The following SLC5A6 variants were observed in gnomAD, a reference collection of about 807,000 sequenced individuals.
SLC5A6 encodes the protein solute carrier family 5 member 6.
SLC5A6 carries 31 observed loss-of-function variants against 67.9 expected under a neutral mutation model. The ratio of observed to expected loss-of-function variants is 0.46; its 90% CI spans 0.34 to 0.62. The LOEUF (loss-of-function observed/expected upper bound fraction) is 0.62. Ranked by LOEUF, SLC5A6 falls within the 20% of genes least tolerant of loss-of-function variation. The probability of loss-of-function intolerance (pLI) is 0.01; values close to 1 mark genes in which losing one functional copy is unlikely to be tolerated. For missense variants in SLC5A6, 673 were observed against 812.8 expected (o/e 0.83, Z 2.09); for synonymous variants, 343 against 331.0 (o/e 1.04, Z -0.39).
At position 27,203,840 on chromosome 2, in the gene SLC5A6, G is replaced by A. The variant is rs1318196255; in HGVS notation, c.1033C>T (p.Leu345=). The A allele has an allele frequency of 3.7e-6, 6 of 1,613,982 alleles. No homozygotes were observed. In the African/African-American group the frequency reaches 8.0e-5, roughly 22 times the overall value. ...QFVLYFVMDL[L]KGLPGLPGLF... ...CCTGGCAGGCCTGGCAGGCCCTTCA[G>A]GAGATCCATCACAAAGTACAGGACG... Residue 345 remains leucine (L), a synonymous_variant, in exon 10 of 17, where the codon CTG becomes TTG. Transcript: ENST00000310574.
rs1572397158 is a variant in SLC5A6 at position 27,207,847 on chromosome 2, T to C, written c.-140-57A>G. On this transcript the variant is annotated intron_variant, in intron 2 of 16. Transcript: ENST00000310574. The surrounding 1 kb of genome is among the most constrained non-coding windows in gnomAD (Gnocchi z 5.5). ...TCTGGCCTTGGTAGCCATTCACCCT[T>C]GGGCCTTGTACATCGCATGCCATCA... 1.7e-6 allele frequency: 1 copy of C among 603,530 alleles called. No individual in the cohort carries two copies. Among genetic ancestry groups the C allele is most frequent in the South Asian group, 2.0e-5 (1 of 48,812 alleles). 37.4% of individuals were successfully genotyped at this position (603,530 alleles called of 1,614,324 possible). A position where few individuals can be genotyped will look rare whatever the true frequency, so the allele number is the denominator to read the frequency against.
Position 27,206,507 on chromosome 2 carries a change from C to G in SLC5A6, c.487G>C (p.Ala163Pro). The change falls in exon 5 of 17, where the codon GCT becomes CCT. Residue 163 changes from alanine (A) to proline (P), a missense_variant. Physicochemically the swap from Ala to Pro is conservative, Grantham distance 27. Coordinates refer to ENST00000310574, the MANE Select transcript of SLC5A6 (RefSeq NM_021095.4). The part of the protein sequence containing the change: ...MVIYMGVVLY[A>P]PSLALNAVTG... Reference sequence around the variant, plus strand: ...CCTGCATTGAGAGCCAATGACGGAGCATAGAGCACAACTCCCATGTAGATC... The same window carrying G: ...CCTGCATTGAGAGCCAATGACGGAGGATAGAGCACAACTCCCATGTAGATC... 2.5e-6 allele frequency: 4 copies of G among 1,614,164 alleles called. No homozygotes were observed. Among genetic ancestry groups the G allele is most frequent in the Non-Finnish European group, 3.4e-6 (4 of 1,180,008 alleles).
rs1673505842 is a variant in SLC5A6 at position 27,200,127 on chromosome 2, G to C, written c.*309C>G. On this transcript the variant is annotated 3_prime_UTR_variant, in exon 17 of 17. Coordinates refer to ENST00000310574, the MANE Select transcript of SLC5A6 (RefSeq NM_021095.4). Reference sequence around the variant, plus strand: ...TACTTCAAAGGACTATGGCTATGTTGAATCAGAAGCCATTATCTTTTTCCC... The same window carrying C: ...TACTTCAAAGGACTATGGCTATGTTCAATCAGAAGCCATTATCTTTTTCCC... 1.6e-5 allele frequency: 4 copies of C among 252,576 alleles called. No homozygotes were observed. The highest frequency in any genetic ancestry group is 3.0e-5 in the Non-Finnish European group (4 of 132,010). The allele number at this position is 252,576 out of a possible 1,614,324, so 15.6% of individuals were successfully genotyped here.
intron 10 of SLC5A6, 112 bp downstream of exon 10, chr2:27,203,667 A>T: frequency 1.3e-6 from 1 of 793,600 alleles, no homozygotes; most frequent in Non-Finnish European, 2.2e-6. Flanking sequence ...GGGCAGGCAC[A>T]GTGAGAAACT....
At chr2:27,210,577 T>A (rs1426809066) in intron 2 of SLC5A6, among the ~76,000 whole-genome samples, 1 of 151,616 alleles carries the variant, frequency 6.6e-6, no homozygotes, top group Non-Finnish European at 1.5e-5. Flanking sequence ...ACTACAGGCA[T>A]GTGCTACCGC....
rs1373086465 is a variant in SLC5A6, at chr2:27,212,100, T to A, written c.-288A>T. 1 of 1,438,572 alleles carries A rather than the reference T, an allele frequency of 7.0e-7. No individual in the cohort carries two copies. The highest frequency in any genetic ancestry group is 1.5e-5 in the African/African-American group (1 of 66,158). The allele number at this position is 1,438,572 out of a possible 1,614,324, so 89.1% of individuals were successfully genotyped here. On this transcript the variant is annotated 5_prime_UTR_variant, in exon 1 of 17. Coordinates refer to ENST00000310574, the MANE Select transcript of SLC5A6 (RefSeq NM_021095.4). The stretch of plus-strand genomic sequence containing the variant: ...CGCGGGGAACACCGGGCTGAGGGAG[T>A]CTGCAGTCGGCTCCGGGAAGCCGCG...
chr2:27,204,606 G>A lies in SLC5A6; in HGVS notation c.876-16C>T, dbSNP rs757713323. 6.2e-7 allele frequency: 1 copy of A among 1,613,530 alleles called. No individual in the cohort carries two copies. Among genetic ancestry groups the A allele is most frequent in the South Asian group, 1.1e-5 (1 of 91,046 alleles). ...ATAACAGGAGCTGCAAAAGAGGTCA[G>A]TGCCAGGAGGAGAGCCGGCGTTAAC... On this transcript the variant is annotated splice_polypyrimidine_tract_variant and intron_variant, in intron 8 of 16. Coordinates refer to ENST00000310574, the MANE Select transcript of SLC5A6 (RefSeq NM_021095.4).
At chr2:27,203,053 G>A (rs1673774310) in intron 11 of SLC5A6, 173 bp from the exon 12 acceptor site, 2 of 1,491,066 alleles carry the variant, frequency 1.3e-6, no homozygotes, top group Non-Finnish European at 1.8e-6. Flanking sequence ...ATGTGACTCA[G>A]AGACCTCCCT....
chr2:27,200,313 G>T lies in SLC5A6; in HGVS notation c.*123C>A. The T allele has an allele frequency of 4.3e-6, 4 of 928,718 alleles. No homozygotes were observed. The highest frequency in any genetic ancestry group is 6.2e-6 in the Non-Finnish European group (4 of 644,166). The allele number at this position is 928,718 out of a possible 1,614,324, so 57.5% of individuals were successfully genotyped here. On this transcript the variant is annotated 3_prime_UTR_variant, in exon 17 of 17. Transcript: ENST00000310574. ...AGAACCTCTCAGAACAAGGTCCTTT[G>T]GTATGAGCTAGATCATCCAGGCCTG... is the stretch of plus-strand genomic sequence containing the variant.
upstream of SLC5A6, chr2:27,212,656 C>T (rs1304439995): frequency 6.2e-5 from 86 of 1,393,962 alleles, no homozygotes; most frequent in Non-Finnish European, 7.7e-5. Context: ...CGCCCCAGTC[C>T]TGCCGACTTT....
In SLC5A6 at chr2:27,208,135, C is replaced by T. The variant is rs573978493; in HGVS notation, c.-140-345G>A. ...CCACTTGAAGGCACAGACCCAGTCA[C>T]TACAATACACTAAGCCAGCAGAGCC... On this transcript the variant is annotated intron_variant, in intron 2 of 16. Transcript: ENST00000310574. 3.9e-5 allele frequency among the ~76,000 whole-genome samples: 6 copies of T among 152,344 alleles called. No individual in the cohort carries two copies. In the South Asian group the frequency reaches 1.2e-3, roughly 32 times the overall value.
At chr2:27,205,526 C>T (rs1302846966) in intron 6 of SLC5A6, 22 bp from the exon 7 acceptor site, 1 of 1,613,996 alleles carries the variant, frequency 6.2e-7, no homozygotes, top group Non-Finnish European at 8.5e-7. Flanking sequence ...GCACAGCAAA[C>T]CTGCCACAGA....
chr2:27,208,212 C>G (rs972577123), intron 2 of SLC5A6, among the ~76,000 whole-genome samples: 3 of 152,226 alleles, frequency 2.0e-5, no homozygotes, highest in African/African-American at 7.2e-5. Context: ...CTAATGGCAG[C>G]AGGGCTTCCC....
upstream of SLC5A6, chr2:27,212,698 A>G: frequency 7.7e-7 from 1 of 1,305,782 alleles, no homozygotes; most frequent in Non-Finnish European, 9.9e-7. Context: ...TTCGCCCCTT[A>G]ATTTTAGAAT....
In SLC5A6 at chr2:27,207,333, G is replaced by A; in HGVS notation, c.318C>T (p.Tyr106=). 1 of 1,614,166 alleles carries A rather than the reference G, an allele frequency of 6.2e-7. No individual in the cohort carries two copies. ...GTQYWFLGCC[Y]FLGLLIPAHI... ...GTGCAGGTATCAGCAGCCCCAGAAA[G>A]TAGCAGCAGCCCAGGAACCAATATT... The change falls in exon 3 of 17, where the codon TAC becomes TAT. Residue 106 remains tyrosine, a synonymous_variant. Coordinates refer to ENST00000310574, the MANE Select transcript of SLC5A6 (RefSeq NM_021095.4). The surrounding 1 kb of genome is among the most constrained non-coding windows in gnomAD (Gnocchi z 5.5).
rs1163514393 is a variant in SLC5A6 at position 27,203,359 on chromosome 2, A to C, written c.1095-14T>G. 1.2e-6 allele frequency: 2 copies of C among 1,613,756 alleles called. No homozygotes were observed. Among genetic ancestry groups the C allele is most frequent in the African/African-American group, 1.3e-5 (1 of 75,030 alleles). On this transcript the variant is annotated splice_polypyrimidine_tract_variant and intron_variant, in intron 10 of 16. Transcript: ENST00000310574. ...GAGGATATAGTGCTGAAAAAGAGGA[A>C]GAGGATGAGGAGTTGAGCGAGGCAA...
intron 4 of SLC5A6, 152 bp downstream of exon 4, chr2:27,206,725 G>A: frequency 1.2e-6 from 1 of 850,682 alleles, no homozygotes; most frequent in Admixed American, 1.8e-5. Flanking sequence ...ATGGGCAGCA[G>A]GATGCCTCTG....
At chr2:27,209,939 G>T (rs1674342516) in intron 2 of SLC5A6, among the ~76,000 whole-genome samples, 1 of 152,154 alleles carries the variant, frequency 6.6e-6, no homozygotes, top group Non-Finnish European at 1.5e-5. Flanking sequence ...TTTGCACATT[G>T]CAACACCCTG....
intron 7 of SLC5A6, 112 bp downstream of exon 7, chr2:27,205,238 A>T (rs909150175): frequency 2.8e-6 from 3 of 1,087,362 alleles, no homozygotes; most frequent in Non-Finnish European, 2.6e-6. Flanking sequence ...GTCTGCTGTT[A>T]CACCTCAGGC....
Sources: allele counts gnomAD v4.1 joint callset (sites outside exome capture counted in the v4.1 genomes callset), GRCh38; gene constraint gnomAD v4.1.1; non-coding constraint Gnocchi (gnomAD v3.1); transcripts MANE v1.5; gene names NCBI Gene and HGNC (gene_info 2026-07-23, HGNC 2026-07-21).